FBXL6: variants seen among roughly 807,000 people sequenced by gnomAD.
FBXL6 encodes the protein F-box/LRR-repeat protein 6.
Under a neutral mutation model 53.3 loss-of-function variants are expected in FBXL6, and 50 were observed. The ratio of observed to expected loss-of-function variants is 0.94; its 90% CI spans 0.75 to 1.19. The LOEUF is 1.19. Ranked by LOEUF, FBXL6 falls within the 50% of genes most tolerant of loss-of-function variation. The probability of loss-of-function intolerance (pLI) is 0.00; values close to 1 mark genes in which losing one functional copy is unlikely to be tolerated. For missense variants in FBXL6, 815 were observed against 719.0 expected (o/e 1.13, Z -1.53); for synonymous variants, 405 against 322.9 (o/e 1.25, Z -2.73).
chr8:144,356,967 G>T (rs1818476327), intron 4 of FBXL6, 23 bp downstream of exon 4: 5 of 1,613,034 alleles, frequency 3.1e-6, no homozygotes, highest in Middle Eastern at 1.6e-4. Flanking sequence ...TTTTTTCAGG[G>T]CCCCTTGGGA....
Position 144,358,082 on chromosome 8 carries a change from C to T in FBXL6, c.366G>A (p.Gln122=). 7 of 1,599,338 alleles carry T rather than the reference C, an allele frequency of 4.4e-6. No individual in the cohort carries two copies. Among genetic ancestry groups the T allele is most frequent in the Non-Finnish European group, 6.0e-6 (7 of 1,175,780 alleles). ...CCGCCGCCACCAACAACCCGAAAAT[C>T]TGCACCAGGATTTCCAAGGGAATGC... The part of the protein sequence containing the change: ...GDRIPLEILV[Q]IFGLLVAADG... Residue 122 remains glutamine, a synonymous_variant, in exon 1 of 9, where the codon CAG becomes CAA. Coordinates refer to ENST00000331890, the MANE Select transcript of FBXL6 (RefSeq NM_012162.4).
chr8:144,358,012 G>C lies in FBXL6; in HGVS notation c.416+20C>G. ...GGCCCAAGCCGCTACGCTCGGCGGC[G>C]GGCCCGGCACCAGCGTTACCTGCCC... On this transcript the variant is annotated intron_variant, in intron 1 of 8. Transcript: ENST00000331890. The C allele has an allele frequency of 1.3e-6, 2 of 1,578,136 alleles. No homozygotes were observed. The highest frequency in any genetic ancestry group is 1.7e-6 in the Non-Finnish European group (2 of 1,170,244).
In FBXL6 at chr8:144,355,647, A is replaced by T. The variant is rs1818366640; in HGVS notation, c.1504T>A (p.Tyr502Asn). The T allele has an allele frequency of 6.2e-7, 1 of 1,610,852 alleles. No individual in the cohort carries two copies. The highest frequency in any genetic ancestry group is 8.5e-7 in the Non-Finnish European group (1 of 1,179,806). Residue 502 changes from tyrosine (Y) to asparagine (N), a missense_variant, in exon 9 of 9, where the codon TAC becomes AAC. Coordinates refer to ENST00000331890, the MANE Select transcript of FBXL6 (RefSeq NM_012162.4). ...CAGCGGCAGGACTCCAGGTTGAGGT[A>T]GAGCAGGCCCGGGCAGCCGCTGATC... ...SVISGCPGLL[Y>N]LNLESCRCLP...
intron 8 of FBXL6, 123 bp from the exon 9 acceptor site, chr8:144,355,801 C>A (rs1818374757): frequency 1.3e-6 from 2 of 1,519,424 alleles, no homozygotes; most frequent in African/African-American, 1.4e-5. Context: ...CAAGGCCAAG[C>A]CCAGTTCCCC....
chr8:144,356,247 G>A (rs1554852746), intron 7 of FBXL6, 33 bp from the exon 8 acceptor site: 5 of 1,611,246 alleles, frequency 3.1e-6, no homozygotes, highest in Non-Finnish European at 3.4e-6. Context: ...AAGCTACAAG[G>A]TGACAAGGGC....
intron 3 of FBXL6, 102 bp from the exon 4 acceptor site, chr8:144,357,223 G>C: frequency 6.7e-7 from 1 of 1,492,442 alleles, no homozygotes; most frequent in South Asian, 1.3e-5. Flanking sequence ...TACCGCCTTA[G>C]CTGTGACCTC....
chr8:144,357,462 A>G lies in FBXL6; in HGVS notation c.616T>C (p.Ser206Pro). The change falls in exon 3 of 9, where the codon TCT becomes CCT. Residue 206 changes from serine (S) to proline (P), a missense_variant. Physicochemically the swap from Ser to Pro is moderately conservative, Grantham distance 74 (BLOSUM62 -1). Transcript: ENST00000331890. Reference protein sequence around the residue: ...LQRLTLIHWKSQVHPVLKLVG... With the variant: ...LQRLTLIHWKPQVHPVLKLVG... ...ACCTTCAACACGGGGTGTACCTGAG[A>G]CTTCCAGTGGATGAGGGTCAGCCTC... 1.2e-6 allele frequency: 2 copies of G among 1,613,222 alleles called. No homozygotes were observed. The highest frequency in any genetic ancestry group is 4.5e-5 in the East Asian group (2 of 44,886).
In FBXL6 at chr8:144,356,542, G is replaced by C; in HGVS notation, c.994-11C>G. The C allele has an allele frequency of 6.2e-7, 1 of 1,612,916 alleles. No homozygotes were observed. Among genetic ancestry groups the C allele is most frequent in the Non-Finnish European group, 8.5e-7 (1 of 1,179,868 alleles). Reference sequence around the variant, plus strand: ...CAACAGCCGCAGCACCTGGGGGCAAGGTCCAGGCTGTAGATGGGGGAGGGT... The same window carrying C: ...CAACAGCCGCAGCACCTGGGGGCAACGTCCAGGCTGTAGATGGGGGAGGGT... On this transcript the variant is annotated splice_polypyrimidine_tract_variant and intron_variant, in intron 6 of 8. Coordinates refer to ENST00000331890, the MANE Select transcript of FBXL6 (RefSeq NM_012162.4).
chr8:144,356,523 C>T lies in FBXL6; in HGVS notation c.1002G>A (p.Arg334=). 1 of 1,612,966 alleles carries T rather than the reference C, an allele frequency of 6.2e-7. No individual in the cohort carries two copies. The highest frequency in any genetic ancestry group is 1.7e-5 in the Admixed American group (1 of 60,026). ...QKGCPQLQVL[R]LLNLMWLPKP... is the part of the protein sequence containing the mutation. ...TGGGCAGCCACATCAGGTTCAACAG[C>T]CGCAGCACCTGGGGGCAAGGTCCAG... is the stretch of plus-strand genomic sequence containing the variant. The change falls in exon 7 of 9, where the codon CGG becomes CGA. Residue 334 remains arginine (R), a synonymous_variant. Transcript: ENST00000331890.
chr8:144,357,520 G>A lies in FBXL6; in HGVS notation c.576-18C>T, dbSNP rs367644123. 3 of 1,613,236 alleles carry A rather than the reference G, an allele frequency of 1.9e-6. No individual in the cohort carries two copies. Among genetic ancestry groups the A allele is most frequent in the African/African-American group, 2.7e-5 (2 of 74,944 alleles). On this transcript the variant is annotated intron_variant, in intron 2 of 8. Transcript: ENST00000331890. ...GTGAAAACCTGGGCCGACAGCGGAG[G>A]CAGAGCTGCACTAATGTTCCCACAC...
In FBXL6 at chr8:144,358,134, T is replaced by C; in HGVS notation, c.314A>G (p.Glu105Gly). ...GTCTCCCCAGCCCGCGTCGGGCCCT[T>C]CCTCGGGCGTGGGCGTGGGTGCCGG... ...PAPAPTPTPEEGPDAGWGDRI... is the reference protein window; with the variant it reads ...PAPAPTPTPEGGPDAGWGDRI... Residue 105 changes from glutamate to glycine, a missense_variant, in exon 1 of 9, where the codon GAA (glutamate) becomes GGA (glycine). Coordinates refer to ENST00000331890, the MANE Select transcript of FBXL6 (RefSeq NM_012162.4). The C allele has an allele frequency of 6.4e-7, 1 of 1,565,726 alleles. No homozygotes were observed. Among genetic ancestry groups the C allele is most frequent in the Non-Finnish European group, 8.6e-7 (1 of 1,162,630 alleles).
chr8:144,357,983 G>C, intron 1 of FBXL6, 49 bp downstream of exon 1: 1 of 1,557,954 alleles, frequency 6.4e-7, no homozygotes, highest in Non-Finnish European at 8.6e-7. Context: ...CTCGGACCAC[G>C]TCTGGCCCAA....
chr8:144,357,609 AAG>A lies in FBXL6; in HGVS notation c.575+17_575+18del. The A allele has an allele frequency of 1.9e-6, 3 of 1,605,720 alleles. No homozygotes were observed. Among genetic ancestry groups the A allele is most frequent in the Non-Finnish European group, 2.6e-6 (3 of 1,174,638 alleles). On this transcript the variant is annotated intron_variant, in intron 2 of 8. Transcript: ENST00000331890. ...AAGGAGCCTGGAGCCAGGGGTAAGG[AAG>A]AGAGGGAACCCCTCACCGATTGGGC...
rs1818414535 is a variant in FBXL6 at position 144,356,362 on chromosome 8, A to G, written c.1163T>C (p.Leu388Ser). 1 of 1,250,232 alleles carries G rather than the reference A, an allele frequency of 8.0e-7. No individual in the cohort carries two copies. The highest frequency in any genetic ancestry group is 2.3e-5 in the African/African-American group (1 of 43,360). The allele number at this position is 1,250,232 out of a possible 1,614,324, so 77.4% of individuals were successfully genotyped here. A position where few individuals can be genotyped will look rare whatever the true frequency, so the allele number is the denominator to read the frequency against. The change falls in exon 7 of 9, where the codon TTA becomes TCA. Residue 388 changes from leucine (L) to serine (S), a missense_variant. Physicochemically the swap from Leu to Ser is moderately radical, Grantham distance 145 (BLOSUM62 -2). Transcript: ENST00000331890. ...RLLHGSPNLR[L>S]LDLRGCARIT... ...GCGCGCACAGCCACGAAGATCCAGT[A>G]AGCGCAGGTTGGGAGAGCCGTGGAG...
Position 144,356,664 on chromosome 8 carries a change from T to C in FBXL6, c.929A>G (p.Asn310Ser), listed in dbSNP as rs1554852875. The change falls in exon 6 of 9, where the codon AAC (asparagine) becomes AGC (serine). Residue 310 changes from asparagine to serine, a missense_variant. Physicochemically the swap from Asn to Ser is conservative, Grantham distance 46 (BLOSUM62 1). Coordinates refer to ENST00000331890, the MANE Select transcript of FBXL6 (RefSeq NM_012162.4). ...LQVLEVSTGI[N>S]RNSIPLQLPV... ...CAGCTGAAGGGGAATGCTATTACGG[T>C]TGATGCCGGTGCTCACCTCCAGGAC... 1.2e-6 allele frequency: 2 copies of C among 1,612,736 alleles called. No homozygotes were observed. Among genetic ancestry groups the C allele is most frequent in the East Asian group, 2.2e-5 (1 of 44,878 alleles).
At position 144,356,114 on chromosome 8, in the gene FBXL6, C is replaced by A. The variant is rs782355008; in HGVS notation, c.1326G>T (p.Leu442=). ...PFLTQKWCHT[L]RELDLSGQGF... ...CCTGGCCACTCAAGTCCAGTTCTCG[C>A]AGTGTATGGCACCACTTCTGGGTCA... Residue 442 remains leucine, a synonymous_variant, in exon 8 of 9, where the codon CTG becomes CTT. Coordinates refer to ENST00000331890, the MANE Select transcript of FBXL6 (RefSeq NM_012162.4). 2 of 1,613,000 alleles carry A rather than the reference C, an allele frequency of 1.2e-6. No individual in the cohort carries two copies. The highest frequency in any genetic ancestry group is 1.6e-4 in the Middle Eastern group (1 of 6,062).
chr8:144,355,830 C>G, intron 8 of FBXL6, 138 bp downstream of exon 8: 1 of 1,522,810 alleles, frequency 6.6e-7, no homozygotes, highest in Non-Finnish European at 8.9e-7. Flanking sequence ...TCAGGCCCAC[C>G]CCACGCAGGG....
Position 144,356,043 on chromosome 8 carries a change from C to T in FBXL6, c.1397G>A (p.Ser466Asn). 2 of 1,612,992 alleles carry T rather than the reference C, an allele frequency of 1.2e-6. No homozygotes were observed. Among genetic ancestry groups the T allele is most frequent in the Non-Finnish European group, 1.7e-6 (2 of 1,180,000 alleles). Residue 466 changes from serine to asparagine, a missense_variant, in exon 8 of 9, where the codon AGC (serine) becomes AAC (asparagine). Physicochemically the swap from Ser to Asn is conservative, Grantham distance 46. Transcript: ENST00000331890. ...DLEQALAAFL[S>N]TPGGSHPALC... ...GGCTGGGTGTGAGCCCCCAGGGGTG[C>T]TTAAGAAGGCAGCCAGGGCCTGCTC... is the stretch of plus-strand genomic sequence containing the variant.
At chr8:144,355,715 G>C in intron 8 of FBXL6, 37 bp from the exon 9 acceptor site, 1 of 1,605,102 alleles carries the variant, frequency 6.2e-7, no homozygotes, top group South Asian at 1.1e-5. Flanking sequence ...TTGAGCTGTT[G>C]CCTCAGAAGG....
Sources: gnomAD v4.1 joint callset for allele counts on GRCh38, gnomAD v4.1.1 for gene constraint, MANE v1.5 for transcripts, NCBI Gene and HGNC (gene_info 2026-07-23, HGNC 2026-07-21) for gene names.